MAP3K20: variants seen among roughly 807,000 people sequenced by gnomAD.
MAP3K20 encodes HCCS-4.
Under a neutral mutation model 85.7 loss-of-function variants are expected in MAP3K20, and 40 were observed. The observed-to-expected ratio is 0.47, with a 90% CI of 0.36 to 0.61. The LOEUF is 0.61. MAP3K20 is among the 20% of genes least tolerant of loss of function. The pLI, the probability that MAP3K20 is intolerant of heterozygous loss-of-function variation, is 0.00. For synonymous variants in MAP3K20, 325 were observed against 327.7 expected (o/e 0.99, Z 0.09); for missense variants, 817 against 961.7 (o/e 0.85, Z 1.99).
chr2:173,172,831 G>C (rs537410283), intron 3 of MAP3K20, among the ~76,000 whole-genome samples: 15 of 149,662 alleles, frequency 1.0e-4, no homozygotes, highest in Admixed American at 9.4e-4. Flanking sequence ...ACGGAGTCTT[G>C]CTGTGTCGCC....
At chr2:173,086,581 C>G (rs1471486803) in intron 1 of MAP3K20, among the ~76,000 whole-genome samples, 2 of 152,206 alleles carry the variant, frequency 1.3e-5, no homozygotes, top group Non-Finnish European at 2.9e-5. Flanking sequence ...TCACAACTAG[C>G]CAGTTCCCAA....
At chr2:173,250,492 A>C (rs1685018055) in intron 16 of MAP3K20, among the ~76,000 whole-genome samples, 1 of 152,240 alleles carries the variant, frequency 6.6e-6, no homozygotes, top group African/African-American at 2.4e-5. Context: ...AAATAAAACA[A>C]ACTGGCGTCA....
intron 2 of MAP3K20, among the ~76,000 whole-genome samples, chr2:173,141,756 G>A (rs1688979457): frequency 6.6e-6 from 1 of 151,938 alleles, no homozygotes; most frequent in East Asian, 1.9e-4. Context: ...ATGAAAACCA[G>A]AAACACCACA....
chr2:173,235,542 A>G (rs1430328879), intron 14 of MAP3K20, among the ~76,000 whole-genome samples: 2 of 152,260 alleles, frequency 1.3e-5, no homozygotes, highest in Non-Finnish European at 2.9e-5. Context: ...CCATAGAGAC[A>G]GAAAGCAATC....
intron 2 of MAP3K20, among the ~76,000 whole-genome samples, chr2:173,093,990 G>A (rs965728305): frequency 1.3e-4 from 16 of 126,504 alleles, no homozygotes; most frequent in Non-Finnish European, 2.1e-4. Flanking sequence ...GGACTGTTGT[G>A]GGGTGGGGGG....
rs1685451922 is a variant in MAP3K20, at chr2:173,267,479, G to T, written c.*729G>T. ...ATGATGGTCAGAGTTGAACTGATCT[G>T]GCTTGTCATTTTTCAGTAATAAAAA... On this transcript the variant is annotated 3_prime_UTR_variant, in exon 20 of 20. Coordinates refer to ENST00000375213, the MANE Select transcript of MAP3K20 (RefSeq NM_016653.3). 6.6e-6 allele frequency: 1 copy of T among 151,772 alleles called. No individual in the cohort carries two copies. The highest frequency in any genetic ancestry group is 6.6e-5 in the Admixed American group (1 of 15,230). The allele number at this position is 151,772 out of a possible 1,614,324, so 9.4% of individuals were successfully genotyped here.
chr2:173,212,945 A>G (rs897717252), intron 10 of MAP3K20: 2 of 152,176 alleles, frequency 1.3e-5, no homozygotes, highest in Non-Finnish European at 2.9e-5. Flanking sequence ...AAATGATGGT[A>G]TCTCCATATA....
intron 19 of MAP3K20, 116 bp from the exon 20 acceptor site, chr2:173,265,934 G>A (rs1006228687): frequency 9.7e-7 from 1 of 1,035,656 alleles, no homozygotes. Flanking sequence ...GAATTTCTAT[G>A]AATGGTAAAG....
At chr2:173,261,015 G>C (rs1685278570) in intron 17 of MAP3K20, 48 bp from the exon 18 acceptor site, 1 of 1,567,712 alleles carries the variant, frequency 6.4e-7, no homozygotes, top group Non-Finnish European at 8.8e-7. Flanking sequence ...TACTATAGTA[G>C]AGCAGACTGT....
chr2:173,102,640 G>C (rs1371128928), intron 2 of MAP3K20, among the ~76,000 whole-genome samples: 1 of 152,180 alleles, frequency 6.6e-6, no homozygotes, highest in African/African-American at 2.4e-5. Context: ...AGCAGCACTG[G>C]TAAGTATGAA....
chr2:173,266,480 T>C lies in MAP3K20; in HGVS notation c.2133T>C (p.Pro711=). ...CCACTCCTTCAAGAGGAAGATACCC[T>C]GGAAAGTTCTACAGGGTTTCTCAGT... is the stretch of plus-strand genomic sequence containing the variant. ...QHSTPSRGRY[P]GKFYRVSQSA... The change falls in exon 20 of 20, where the codon CCT becomes CCC. Residue 711 remains proline, a synonymous_variant. Transcript: ENST00000375213. 2 of 1,614,150 alleles carry C rather than the reference T, an allele frequency of 1.2e-6. No homozygotes were observed.
intron 3 of MAP3K20, among the ~76,000 whole-genome samples, chr2:173,170,947 A>T (rs947084129): frequency 2.6e-5 from 4 of 152,202 alleles, no homozygotes; most frequent in Admixed American, 2.6e-4. Context: ...AAACTCAGAG[A>T]GACATGGTTA....
At chr2:173,094,546 T>C (rs1687404723) in intron 2 of MAP3K20, among the ~76,000 whole-genome samples, 2 of 152,234 alleles carry the variant, frequency 1.3e-5, no homozygotes, top group South Asian at 4.1e-4. Flanking sequence ...TCGACATGTC[T>C]GTTTAGCCCG....
In MAP3K20 at chr2:173,080,203, G is replaced by T. The variant is rs1419827063; in HGVS notation, c.-35+4201G>T. Among the ~76,000 whole-genome samples, 2 of 152,218 alleles carry T rather than the reference G, an allele frequency of 1.3e-5. 1 individual carries two copies. The highest frequency in any genetic ancestry group is 6.3e-3 in the Middle Eastern group (2 of 316). On this transcript the variant is annotated intron_variant, in intron 1 of 19. Coordinates refer to ENST00000375213, the MANE Select transcript of MAP3K20 (RefSeq NM_016653.3). ...GCAGTCCATTGTTGACTAAAGCATA[G>T]TTATGTGGTGCATGACTTTATGAGA... is the stretch of plus-strand genomic sequence containing the variant.
At chr2:173,141,021 A>C (rs2106213449) in intron 2 of MAP3K20, among the ~76,000 whole-genome samples, 1 of 152,284 alleles carries the variant, frequency 6.6e-6, no homozygotes, top group East Asian at 1.9e-4. Context: ...ATGATATTTT[A>C]TATGTATATA....
At chr2:173,096,325 T>C (rs1213109575) in intron 2 of MAP3K20, among the ~76,000 whole-genome samples, 1 of 140,764 alleles carries the variant, frequency 7.1e-6, no homozygotes, top group Non-Finnish European at 1.5e-5. Context: ...TGTATGTCAC[T>C]CTCTTTTTTT....
chr2:173,162,857 G>A (rs551162842), intron 2 of MAP3K20, among the ~76,000 whole-genome samples: 11 of 152,208 alleles, frequency 7.2e-5, no homozygotes, highest in South Asian at 2.1e-4. Context: ...CATGGACCCC[G>A]CTGAGACACA....
intron 1 of MAP3K20, among the ~76,000 whole-genome samples, chr2:173,081,899 T>G (rs1687024782): frequency 6.6e-6 from 1 of 151,942 alleles, no homozygotes. Flanking sequence ...TCTTAGCTGA[T>G]GCAAGAGTCT....
chr2:173,212,416 A>T (rs1472723180), intron 10 of MAP3K20: 1 of 152,226 alleles, frequency 6.6e-6, no homozygotes, highest in Non-Finnish European at 1.5e-5. Context: ...GTCCAAGGAC[A>T]TAGTAAAAGG....
Sources: allele counts gnomAD v4.1 joint callset (sites outside exome capture counted in the v4.1 genomes callset), GRCh38; gene constraint gnomAD v4.1.1; transcripts MANE v1.5; gene names NCBI Gene and HGNC (gene_info 2026-07-23, HGNC 2026-07-21).